Variants in PRDM2 observed in about 807,000 individuals in gnomAD.
PRDM2 encodes PR domain zinc finger protein 2.
A neutral mutation model predicts 130.0 loss-of-function variants in PRDM2; 30 were observed. That is an observed-to-expected ratio of 0.23 (90% CI 0.17 to 0.31). The LOEUF (loss-of-function observed/expected upper bound fraction) is 0.31, where lower values mean the gene tolerates loss of function less well. Ranked by LOEUF, PRDM2 falls within the 10% of genes least tolerant of loss-of-function variation. PRDM2 has a pLI of 1.00. For synonymous variants in PRDM2, 871 were observed against 782.4 expected (o/e 1.11, Z -1.89); for missense variants, 2,011 against 2,108.4 (o/e 0.95, Z 0.90).
intron 9 of PRDM2, among the ~76,000 whole-genome samples, chr1:13,818,664 C>T (rs190715660): frequency 7.4e-4 from 113 of 152,050 alleles, no homozygotes; most frequent in African/African-American, 2.2e-3. Context: ...GGATTACAGG[C>T]GTGAGCCACC....
At chr1:13,773,885 G>T (rs1644412942) in intron 7 of PRDM2, among the ~76,000 whole-genome samples, 1 of 152,102 alleles carries the variant, frequency 6.6e-6, no homozygotes, top group South Asian at 2.1e-4. Context: ...TATATTTAGT[G>T]AAAATTTTAT....
intron 4 of PRDM2, among the ~76,000 whole-genome samples, chr1:13,741,173 G>A (rs1314045682): frequency 1.3e-5 from 2 of 152,170 alleles, no homozygotes; most frequent in Non-Finnish European, 2.9e-5. Context: ...GTTAAAAATA[G>A]TTGCCAAATA....
intron 1 of PRDM2, among the ~76,000 whole-genome samples, chr1:13,705,809 C>A (rs1289557967): frequency 3.3e-5 from 5 of 151,838 alleles, no homozygotes; most frequent in Non-Finnish European, 7.4e-5. Flanking sequence ...TGGTGAAACC[C>A]CATCTCTACT....
At position 13,782,492 on chromosome 1, in the gene PRDM2, A is replaced by G. The variant is rs758191128; in HGVS notation, c.4697A>G (p.Lys1566Arg). The G allele has an allele frequency of 3.7e-6, 6 of 1,613,978 alleles. No homozygotes were observed. The highest frequency in any genetic ancestry group is 3.3e-5 in the Admixed American group (2 of 60,002). ...AAGTTTGCAGCTTCGGTGAAATCCA[A>G]AAAACCAAGCTCCTCCTCTTTAAGG... The part of the protein sequence containing the change: ...NVKFAASVKS[K>R]KPSSSSLRNS... The change falls in exon 8 of 10, where the codon AAA becomes AGA. Residue 1566 changes from lysine (K) to arginine (R), a missense_variant. By Grantham distance (26) the Lys-to-Arg change is conservative. Transcript: ENST00000311066.
chr1:13,775,822 T>C (rs1429291484), intron 7 of PRDM2, among the ~76,000 whole-genome samples: 1 of 152,158 alleles, frequency 6.6e-6, no homozygotes, highest in Non-Finnish European at 1.5e-5. Flanking sequence ...CTCATTCTGC[T>C]CTGCCAGTCT....
At chr1:13,748,117 A>T (rs990491304) in intron 5 of PRDM2, among the ~76,000 whole-genome samples, 1 of 152,200 alleles carries the variant, frequency 6.6e-6, no homozygotes, top group Admixed American at 6.5e-5. Flanking sequence ...TTGGGCAGAA[A>T]TCTACCAGAA....
chr1:13,712,393 A>T (rs566049054), intron 1 of PRDM2, among the ~76,000 whole-genome samples: 1 of 152,354 alleles, frequency 6.6e-6, no homozygotes, highest in East Asian at 1.9e-4. Flanking sequence ...TTAAATAAAG[A>T]GGGAAAACAT....
intron 5 of PRDM2, among the ~76,000 whole-genome samples, chr1:13,748,577 T>G (rs1643688382): frequency 6.6e-6 from 1 of 152,224 alleles, no homozygotes; most frequent in Non-Finnish European, 1.5e-5. Context: ...ATAGGCTGTT[T>G]CCCCAAATTC....
At chr1:13,788,866 A>G (rs1310235873) in intron 8 of PRDM2, among the ~76,000 whole-genome samples, 1 of 152,176 alleles carries the variant, frequency 6.6e-6, no homozygotes, top group Non-Finnish European at 1.5e-5. Context: ...AGCGCCCTCC[A>G]TGGCTGCGTC....
chr1:13,793,748 C>T (rs1476872447), intron 8 of PRDM2, among the ~76,000 whole-genome samples: 1 of 152,088 alleles, frequency 6.6e-6, no homozygotes, highest in Non-Finnish European at 1.5e-5. Flanking sequence ...TTTTGGCTTC[C>T]CTGGCCCACG....
intron 8 of PRDM2, among the ~76,000 whole-genome samples, chr1:13,796,895 C>T (rs1033524355): frequency 6.6e-6 from 1 of 152,058 alleles, no homozygotes; most frequent in African/African-American, 2.4e-5. Flanking sequence ...TTTTAAGCTC[C>T]CAAAACACGA....
At chr1:13,723,681 C>T (rs868134131) in intron 2 of PRDM2, among the ~76,000 whole-genome samples, 13 of 152,314 alleles carry the variant, frequency 8.5e-5, no homozygotes, top group African/African-American at 3.1e-4. Context: ...TAAGGGCATT[C>T]TGAGGGCTTT....
At position 13,725,497 on chromosome 1, in the gene PRDM2, G is replaced by T. The variant is rs1642883194; in HGVS notation, c.10-5503G>T. Among the ~76,000 whole-genome samples, 3 of 152,132 alleles carry T rather than the reference G, an allele frequency of 2.0e-5. No homozygotes were observed. The South Asian group carries it at 6.2e-4, about 32-fold the overall frequency. On this transcript the variant is annotated intron_variant, in intron 2 of 9. Transcript: ENST00000311066. Reference sequence around the variant, plus strand: ...TGGGATTACAGGCATGAGCCACTGCGCCCGGCCCAAGTCCTGTGTACTCTT... The same window carrying T: ...TGGGATTACAGGCATGAGCCACTGCTCCCGGCCCAAGTCCTGTGTACTCTT...
chr1:13,777,260 C>T (rs936216239), intron 7 of PRDM2, among the ~76,000 whole-genome samples: 10 of 152,144 alleles, frequency 6.6e-5, no homozygotes, highest in Admixed American at 6.5e-4. Context: ...CACCCCTGTG[C>T]CACCATCCTG....
intron 8 of PRDM2, chr1:13,786,677 C>T (rs958515047): frequency 1.5e-5 from 22 of 1,510,816 alleles, no homozygotes; most frequent in South Asian, 2.6e-5. Context: ...AGCTGATTGC[C>T]GGCAGGCTTA....
chr1:13,724,461 A>G lies in PRDM2; in HGVS notation c.10-6539A>G, dbSNP rs556592591. 9.4e-5 allele frequency among the ~76,000 whole-genome samples: 14 copies of G among 149,474 alleles called. No homozygotes were observed. In the East Asian group the frequency reaches 2.4e-3, roughly 25 times the overall value. ...CTGCTCACACTCTTTTCACATGTAC[A>G]TTGATGTAGAAAGTTATAGAAATTC... On this transcript the variant is annotated intron_variant, in intron 2 of 9. Transcript: ENST00000311066.
chr1:13,785,929 C>T (rs1323338375), intron 8 of PRDM2, among the ~76,000 whole-genome samples: 2 of 151,008 alleles, frequency 1.3e-5, no homozygotes, highest in Non-Finnish European at 2.9e-5. Flanking sequence ...AGCTCTGCCT[C>T]CCGGGTTCAC....
intron 2 of PRDM2, among the ~76,000 whole-genome samples, chr1:13,728,180 T>C (rs1225517628): frequency 6.6e-6 from 1 of 152,242 alleles, no homozygotes; most frequent in African/African-American, 2.4e-5. Context: ...AAGAGCCATG[T>C]ACTCATTCAA....
rs1645084332 is a variant in PRDM2, at chr1:13,806,228, C to T, written c.5037-10199C>T. Among the ~76,000 whole-genome samples the T allele has an allele frequency of 7.1e-6, 1 of 140,920 alleles. No homozygotes were observed. Among genetic ancestry groups the T allele is most frequent in the African/African-American group, 2.8e-5 (1 of 35,214 alleles). 92.4% of individuals were successfully genotyped at this position (140,920 alleles called of 152,430 possible). On this transcript the variant is annotated intron_variant, in intron 8 of 9. Coordinates refer to ENST00000311066, the MANE Select transcript of PRDM2 (RefSeq NM_001393986.1). The surrounding 1 kb of genome is among the most constrained non-coding windows in gnomAD (Gnocchi z 4.1). ...GTCTCTGCACATTACCAGCTGCTCC[C>T]CCGCATCCCGCCTCCATCCCTGGGC...
Sources: gnomAD v4.1 joint callset for allele counts (sites outside exome capture counted in the v4.1 genomes callset) on GRCh38, gnomAD v4.1.1 for gene constraint, Gnocchi (gnomAD v3.1) non-coding constraint, MANE v1.5 for transcripts, NCBI Gene and HGNC (gene_info 2026-07-23, HGNC 2026-07-21) for gene names.